CEP128: variants seen among roughly 807,000 people sequenced by gnomAD.
The protein encoded by CEP128 is centrosomal protein 128.
In CEP128, 132 loss-of-function variants were observed where a neutral mutation model predicts 156.7. That is an observed-to-expected ratio of 0.84 (90% CI 0.73 to 0.97). The LOEUF (loss-of-function observed/expected upper bound fraction) is 0.97, where lower values mean the gene tolerates loss of function less well. CEP128 is among the 50% of genes least tolerant of loss of function. The pLI is 0.00. For missense variants in CEP128, 1,252 were observed against 1,281.9 expected (o/e 0.98, Z 0.36); for synonymous variants, 469 against 448.9 (o/e 1.04, Z -0.57).
intron 13 of CEP128, among the ~76,000 whole-genome samples, chr14:80,818,411 C>A (rs946714237): frequency 8.5e-5 from 13 of 152,342 alleles, no homozygotes; most frequent in African/African-American, 3.1e-4. Context: ...GAATCTGTTG[C>A]TAGTAGATTA....
intron 2 of CEP128, among the ~76,000 whole-genome samples, chr14:80,934,481 T>C (rs566442804): frequency 1.3e-5 from 2 of 152,188 alleles, no homozygotes; most frequent in African/African-American, 2.4e-5. Context: ...CACCTAGGTA[T>C]GACAGATACT....
At chr14:80,651,812 T>G (rs1282396770) in intron 19 of CEP128, among the ~76,000 whole-genome samples, 2 of 152,178 alleles carry the variant, frequency 1.3e-5, no homozygotes, top group Non-Finnish European at 2.9e-5. Context: ...TCTTTTGCAT[T>G]GGCTGAGGAG....
intron 19 of CEP128, among the ~76,000 whole-genome samples, chr14:80,586,200 G>A (rs571104843): frequency 1.3e-5 from 2 of 152,100 alleles, no homozygotes; most frequent in East Asian, 3.9e-4. Context: ...AATTTAAAAA[G>A]CTGAGAAGGA....
At chr14:80,770,672 A>G (rs1465066909) in intron 16 of CEP128, among the ~76,000 whole-genome samples, 1 of 152,206 alleles carries the variant, frequency 6.6e-6, no homozygotes, top group Admixed American at 6.5e-5. Flanking sequence ...GAAATTACTC[A>G]TAACATCCTA....
Position 80,921,477 on chromosome 14 carries a change from A to T in CEP128, c.-15-4915T>A, listed in dbSNP as rs1440279075. Among the ~76,000 whole-genome samples the T allele has an allele frequency of 3.9e-5, 6 of 152,314 alleles. No homozygotes were observed. In the East Asian group the frequency reaches 1.2e-3, roughly 29 times the overall value. ...AACCTTGGACTTCTCAGCCTCCGTA[A>T]CTGAAAGAAATAAAATCCTTTTCTT... On this transcript the variant is annotated intron_variant, in intron 2 of 24. Transcript: ENST00000555265.
At chr14:80,816,196 C>A (rs1884844803) in intron 13 of CEP128, among the ~76,000 whole-genome samples, 1 of 152,124 alleles carries the variant, frequency 6.6e-6, no homozygotes, top group African/African-American at 2.4e-5. Context: ...AAGCTATTCC[C>A]ATCCTGTCCC....
At chr14:80,819,165 T>C in intron 13 of CEP128, among the ~76,000 whole-genome samples, 1 of 151,936 alleles carries the variant, frequency 6.6e-6, no homozygotes, top group Non-Finnish European at 1.5e-5. Flanking sequence ...AGACCTTCTT[T>C]GAGCTGCAGA....
At chr14:80,953,731 T>C (rs1300002260) in intron 2 of CEP128, among the ~76,000 whole-genome samples, 1 of 152,190 alleles carries the variant, frequency 6.6e-6, no homozygotes, top group African/African-American at 2.4e-5. Flanking sequence ...GAACAAGATT[T>C]AAAACAGTTT....
In CEP128 at chr14:80,658,259, G is replaced by A. The variant is rs1566839139; in HGVS notation, c.2807-77836C>T. Among the ~76,000 whole-genome samples, 3 of 152,194 alleles carry A rather than the reference G, an allele frequency of 2.0e-5. No homozygotes were observed. In the South Asian group the frequency reaches 6.2e-4, roughly 32 times the overall value. ...GGTAGGGGATATAGAAAATGATAGG[G>A]AGAGGAAATTGGTTTTGAGTCTCCT... On this transcript the variant is annotated intron_variant, in intron 19 of 24. Coordinates refer to ENST00000555265, the MANE Select transcript of CEP128 (RefSeq NM_152446.5).
intron 19 of CEP128, among the ~76,000 whole-genome samples, chr14:80,723,311 T>C (rs1435323714): frequency 6.6e-6 from 1 of 152,172 alleles, no homozygotes; most frequent in Admixed American, 6.5e-5. Flanking sequence ...ATGAAACCTA[T>C]AAACGTGTCA....
intron 4 of CEP128, among the ~76,000 whole-genome samples, chr14:80,908,103 A>G (rs1168238471): frequency 6.6e-6 from 1 of 152,056 alleles, no homozygotes; most frequent in East Asian, 1.9e-4. Flanking sequence ...AGCTCTGGCT[A>G]TTTTTAAGAT....
At chr14:80,857,854 C>T (rs937117338) in intron 9 of CEP128, among the ~76,000 whole-genome samples, 6 of 151,934 alleles carry the variant, frequency 3.9e-5, no homozygotes, top group Non-Finnish European at 8.8e-5. Flanking sequence ...TCATACAACC[C>T]ATTTAAAATA....
intron 19 of CEP128, among the ~76,000 whole-genome samples, chr14:80,587,938 G>C (rs1891888529): frequency 6.6e-6 from 1 of 152,080 alleles, no homozygotes; most frequent in Non-Finnish European, 1.5e-5. Context: ...TTTATCCTAT[G>C]CTCTGTTCTT....
intron 20 of CEP128, among the ~76,000 whole-genome samples, chr14:80,572,606 C>T (rs1376580920): frequency 1.3e-5 from 2 of 152,104 alleles, no homozygotes; most frequent in African/African-American, 2.4e-5. Flanking sequence ...AATGAGATTG[C>T]CCCAAATTAC....
intron 18 of CEP128, among the ~76,000 whole-genome samples, chr14:80,755,152 C>G (rs1482068619): frequency 6.6e-6 from 1 of 152,058 alleles, no homozygotes; most frequent in African/African-American, 2.4e-5. Context: ...ACAGACTGGT[C>G]GAGCCTCCCA....
chr14:80,671,872 G>A (rs992410617), intron 19 of CEP128, among the ~76,000 whole-genome samples: 2 of 151,668 alleles, frequency 1.3e-5, no homozygotes, highest in Admixed American at 1.3e-4. Flanking sequence ...TGTGTATGGG[G>A]GGGTGGGGGG....
At chr14:80,727,985 A>T (rs922015605) in intron 19 of CEP128, among the ~76,000 whole-genome samples, 34 of 152,256 alleles carry the variant, frequency 2.2e-4, no homozygotes, top group Non-Finnish European at 2.9e-4. Context: ...CATTCAACAC[A>T]GCAATCCCAT....
intron 23 of CEP128, among the ~76,000 whole-genome samples, chr14:80,526,482 C>T (rs1285098098): frequency 6.6e-6 from 1 of 152,004 alleles, no homozygotes; most frequent in Non-Finnish European, 1.5e-5. Flanking sequence ...TTCCAAAGTA[C>T]AATATATTAT....
intron 19 of CEP128, among the ~76,000 whole-genome samples, chr14:80,733,082 C>A (rs1291329313): frequency 6.6e-6 from 1 of 152,024 alleles, no homozygotes; most frequent in Non-Finnish European, 1.5e-5. Context: ...TATGAGTGGG[C>A]CTCATCTAAT....
Sources: allele counts gnomAD v4.1 joint callset (sites outside exome capture counted in the v4.1 genomes callset), GRCh38; gene constraint gnomAD v4.1.1; transcripts MANE v1.5; gene names NCBI Gene and HGNC (gene_info 2026-07-23, HGNC 2026-07-21).